The following MTAP variants were observed in gnomAD, a reference collection of about 807,000 sequenced individuals.
The protein encoded by MTAP is methylthioadenosine phosphorylase.
A neutral mutation model predicts 33.6 loss-of-function variants in MTAP; 33 were observed. The observed-to-expected ratio is 0.98, with a 90% CI of 0.74 to 1.31. The LOEUF is 1.31. MTAP is among the 40% of genes most tolerant of loss of function. MTAP has a pLI of 0.00. For missense variants in MTAP, 367 were observed against 360.0 expected (o/e 1.02, Z -0.16); for synonymous variants, 148 against 125.7 (o/e 1.18, Z -1.19).
intron 5 of MTAP, among the ~76,000 whole-genome samples, chr9:21,843,011 T>G (rs555254814): frequency 1.3e-5 from 2 of 152,154 alleles, no homozygotes; most frequent in East Asian, 3.8e-4. Context: ...ATCTGCAGTC[T>G]TCAGGAGAAT....
chr9:21,882,600 A>C (rs1818032833), intron 1 of MTAP, among the ~76,000 whole-genome samples: 1 of 151,932 alleles, frequency 6.6e-6, no homozygotes, highest in Non-Finnish European at 1.5e-5. Context: ...TTAAGGTTTG[A>C]TATGGAAAAT....
intron 4 of MTAP, among the ~76,000 whole-genome samples, chr9:21,827,646 C>G (rs1587219737): frequency 6.6e-6 from 1 of 152,320 alleles, no homozygotes; most frequent in African/African-American, 2.4e-5. Context: ...CATGTGAGAT[C>G]AAAGTCACTT....
At position 21,903,514 on chromosome 9, in the gene MTAP, A is replaced by G. The variant is rs139545193; in HGVS notation, c.148-27494A>G. ...AGACACTCTGAGCTACCCCCATAAC[A>G]TCATTAAAACCACTTCTCTGGGGGT... is the stretch of plus-strand genomic sequence containing the variant. On this transcript the variant is annotated intron_variant, in intron 1 of 1. Transcript: ENST00000577563. Among the ~76,000 whole-genome samples, 105 of 152,088 alleles carry G rather than the reference A, an allele frequency of 6.9e-4. 2 individuals are homozygous for G. In the East Asian group the frequency reaches 0.019, roughly 28 times the overall value.
chr9:21,898,179 A>G (rs952382225), intron 1 of MTAP, among the ~76,000 whole-genome samples: 1 of 152,234 alleles, frequency 6.6e-6, no homozygotes. Flanking sequence ...GGCTAGCCAT[A>G]TGTAGAAAGC....
intron 4 of MTAP, among the ~76,000 whole-genome samples, chr9:21,822,889 T>C (rs1381030556): frequency 2.6e-5 from 4 of 152,238 alleles, no homozygotes; most frequent in African/African-American, 9.6e-5. Flanking sequence ...GTAATGGCCT[T>C]CTTTGTCTCT....
intron 1 of MTAP, among the ~76,000 whole-genome samples, chr9:21,891,241 T>C (rs769329070): frequency 2.0e-5 from 3 of 152,062 alleles, no homozygotes; most frequent in Non-Finnish European, 2.9e-5. Flanking sequence ...AGTGTCTTCT[T>C]ACCTCAAAAT....
At chr9:21,884,240 T>C (rs533879030) in intron 1 of MTAP, among the ~76,000 whole-genome samples, 1 of 152,324 alleles carries the variant, frequency 6.6e-6, no homozygotes, top group Admixed American at 6.5e-5. Context: ...TGCATGAATT[T>C]GTGTTGGATA....
At position 21,863,311 on chromosome 9, in the gene MTAP, G is replaced by A; in HGVS notation, c.*1297G>A. ...ACTCTTTTTTTATTGTTATTTTATA[G>A]AAATGCTTTTTGTTGGCCGGGCACA... On this transcript the variant is annotated 3_prime_UTR_variant, in exon 8 of 8. Coordinates refer to ENST00000644715, the MANE Select transcript of MTAP (RefSeq NM_002451.4). The A allele has an allele frequency of 2.0e-6, 2 of 984,528 alleles. No homozygotes were observed. The highest frequency in any genetic ancestry group is 2.4e-6 in the Non-Finnish European group (2 of 829,240). The allele number at this position is 984,528 out of a possible 1,614,324, so 61.0% of individuals were successfully genotyped here.
intron 1 of MTAP, among the ~76,000 whole-genome samples, chr9:21,924,712 C>T (rs1818839597): frequency 6.6e-6 from 1 of 152,026 alleles, no homozygotes; most frequent in Admixed American, 6.5e-5. Flanking sequence ...TCCAAGTCTC[C>T]TGGCCCTGGA....
chr9:21,817,634 G>A (rs532232239), intron 3 of MTAP, among the ~76,000 whole-genome samples: 1 of 152,128 alleles, frequency 6.6e-6, no homozygotes, highest in South Asian at 2.1e-4. Context: ...TCACCTCCAT[G>A]GTTAAGCTGT....
chr9:21,850,764 C>A (rs940743954), intron 5 of MTAP, among the ~76,000 whole-genome samples: 13 of 152,180 alleles, frequency 8.5e-5, no homozygotes, highest in Non-Finnish European at 1.8e-4. Flanking sequence ...CTATCATGAA[C>A]TGGGGGCTTT....
intron 5 of MTAP, among the ~76,000 whole-genome samples, chr9:21,840,221 C>CAAA (rs746964029): frequency 4.9e-5 from 6 of 121,310 alleles, no homozygotes; most frequent in East Asian, 2.2e-4. Flanking sequence ...GACTCCATGT[C>CAAA]AAAAAAAAAA....
At chr9:21,826,609 TTTATTA>T (rs149631009) in intron 4 of MTAP, among the ~76,000 whole-genome samples, 7,820 of 140,812 alleles carry the variant, frequency 0.056, 260 homozygotes, top group Non-Finnish European at 0.067. Flanking sequence ...TGGGGTTTTG[TTTATTA>T]TTATTATTAT....
intron 1 of MTAP, among the ~76,000 whole-genome samples, chr9:21,916,073 AGG>A: frequency 1.4e-5 from 2 of 138,676 alleles, no homozygotes; most frequent in Non-Finnish European, 3.1e-5. Flanking sequence ...GGAGGGAGGG[AGG>A]AAGGAAAGGA....
intron 1 of MTAP, among the ~76,000 whole-genome samples, chr9:21,896,261 A>G (rs1161284717): frequency 6.6e-6 from 1 of 152,218 alleles, no homozygotes; most frequent in African/African-American, 2.4e-5. Context: ...CATTTAAAGC[A>G]ATAAATGCCC....
At chr9:21,872,516 C>G (rs1455061586) in intron 1 of MTAP, among the ~76,000 whole-genome samples, 2 of 152,192 alleles carry the variant, frequency 1.3e-5, no homozygotes, top group Non-Finnish European at 2.9e-5. Context: ...TCATGTCCAT[C>G]TGTCTACAGA....
chr9:21,923,079 C>T (rs1366257850), intron 1 of MTAP, among the ~76,000 whole-genome samples: 3 of 152,160 alleles, frequency 2.0e-5, no homozygotes, highest in African/African-American at 7.2e-5. Flanking sequence ...CTTTGTATGC[C>T]ACGCAACTTC....
At chr9:21,876,786 G>A (rs1008353044) in intron 1 of MTAP, among the ~76,000 whole-genome samples, 1 of 152,034 alleles carries the variant, frequency 6.6e-6, no homozygotes, top group Non-Finnish European at 1.5e-5. Context: ...ATAGTTCGAA[G>A]TTGGGCAACG....
chr9:21,833,735 G>A (rs1825030086), intron 4 of MTAP, among the ~76,000 whole-genome samples: 1 of 152,302 alleles, frequency 6.6e-6, no homozygotes, highest in African/African-American at 2.4e-5. Context: ...CTCAGAGGTC[G>A]ATGATTGTGT....
Sources: gnomAD v4.1 joint callset for allele counts (sites outside exome capture counted in the v4.1 genomes callset) on GRCh38, gnomAD v4.1.1 for gene constraint, MANE v1.5 for transcripts, NCBI Gene and HGNC (gene_info 2026-07-23, HGNC 2026-07-21) for gene names.